The following DMD variants were observed in gnomAD, a reference collection of about 807,000 sequenced individuals.
DMD encodes the protein dystrophin.
In DMD, 63 loss-of-function variants were observed where a neutral mutation model predicts 330.1. The ratio of observed to expected loss-of-function variants is 0.19; its 90% CI spans 0.16 to 0.24. The LOEUF (loss-of-function observed/expected upper bound fraction) is 0.24, where lower values mean the gene tolerates loss of function less well. Among genes scored for constraint, DMD ranks in the 10% least tolerant of loss-of-function variants. DMD has a pLI of 1.00. For missense variants in DMD, 3,344 were observed against 2,684.1 expected (o/e 1.25, Z -5.43); for synonymous variants, 1,223 against 959.8 (o/e 1.27, Z -5.07).
At chrX:31,124,432 G>A (rs1437848238) in intron 78 of DMD, among the ~76,000 whole-genome samples, 2 of 111,633 alleles carry the variant, frequency 1.8e-5, no homozygotes, top group Non-Finnish European at 1.9e-5. Context: ...AAGTAGATTT[G>A]TATCCTAGTT....
At chrX:32,981,470 T>C (rs748066611) in intron 2 of DMD, among the ~76,000 whole-genome samples, 3 of 111,790 alleles carry the variant, frequency 2.7e-5, no homozygotes, top group Non-Finnish European at 5.6e-5. Flanking sequence ...GGTTTAGGTA[T>C]TCTGAAATGT....
In DMD at chrX:32,135,252, T is replaced by C. The variant is rs1052058753; in HGVS notation, c.6438+81664A>G. Reference sequence around the variant, plus strand: ...GGTTACAGCAGTAATAAAAAAACTTTTATGGAAAGTTCTCTGAGACTAAAA... The same window carrying C: ...GGTTACAGCAGTAATAAAAAAACTTCTATGGAAAGTTCTCTGAGACTAAAA... On this transcript the variant is annotated intron_variant, in intron 44 of 78. Coordinates refer to ENST00000357033, the MANE Select transcript of DMD (RefSeq NM_004006.3). 1.1e-4 allele frequency among the ~76,000 whole-genome samples: 12 copies of C among 112,558 alleles called. No homozygotes were observed. In the Admixed American group the frequency reaches 1.1e-3, roughly 11 times the overall value.
chrX:32,768,103 A>G (rs1349864014), intron 7 of DMD, among the ~76,000 whole-genome samples: 1 of 112,215 alleles, frequency 8.9e-6, no homozygotes, highest in Non-Finnish European at 1.9e-5. Context: ...AAGAAACGTC[A>G]GTGGATACCA....
At chrX:31,471,278 C>T (rs774417804) in intron 59 of DMD, among the ~76,000 whole-genome samples, 1 of 111,978 alleles carries the variant, frequency 8.9e-6, no homozygotes, top group South Asian at 3.8e-4. Flanking sequence ...GCCCTGGTGG[C>T]GTAGGCACCC....
At chrX:32,092,979 C>A (rs1443491454) in intron 44 of DMD, among the ~76,000 whole-genome samples, 1 of 110,746 alleles carries the variant, frequency 9.0e-6, no homozygotes, top group Admixed American at 9.7e-5. Flanking sequence ...TTGTTCCTTT[C>A]TAAAAGAATG....
At chrX:32,018,120 T>C (rs1028579957) in intron 44 of DMD, among the ~76,000 whole-genome samples, 2 of 111,665 alleles carry the variant, frequency 1.8e-5, no homozygotes, top group Admixed American at 1.9e-4. Flanking sequence ...TTACTCCAGA[T>C]AAAGACCCTT....
chrX:31,203,920 A>G (rs746072073), intron 67 of DMD, 41 bp downstream of exon 67: 1 of 1,150,659 alleles, frequency 8.7e-7, no homozygotes, highest in South Asian at 1.8e-5. Context: ...TTTCTAAAAT[A>G]TGAAAGAATA....
chrX:32,780,324 T>C (rs972756327), intron 7 of DMD, among the ~76,000 whole-genome samples: 5 of 112,347 alleles, frequency 4.5e-5, no homozygotes, highest in Non-Finnish European at 9.4e-5. Context: ...GTTCATTTTA[T>C]GAGACGTGCT....
intron 44 of DMD, among the ~76,000 whole-genome samples, chrX:32,153,570 A>C (rs1383259340): frequency 2.7e-5 from 3 of 112,144 alleles, no homozygotes; most frequent in Non-Finnish European, 5.6e-5. Flanking sequence ...AAAGAAGAGT[A>C]TGTATTTTAA....
intron 43 of DMD, among the ~76,000 whole-genome samples, chrX:32,266,012 T>C (rs1227210910): frequency 9.0e-6 from 1 of 111,514 alleles, no homozygotes; most frequent in Non-Finnish European, 1.9e-5. Flanking sequence ...GACGTGCCAT[T>C]TGGGAGGGGC....
At chrX:32,403,750 C>G (rs2147827957) in intron 30 of DMD, among the ~76,000 whole-genome samples, 1 of 112,046 alleles carries the variant, frequency 8.9e-6, no homozygotes, top group African/African-American at 3.2e-5. Flanking sequence ...TTACCATCTA[C>G]TGGGCTGTGT....
intron 60 of DMD, among the ~76,000 whole-genome samples, chrX:31,366,591 G>GGCTCTC (rs1165264254): frequency 2.8e-5 from 3 of 105,584 alleles, no homozygotes; most frequent in Admixed American, 1.0e-4. Context: ...AGAGCTGAAA[G>GGCTCTC]GCTCTCAAAA....
intron 44 of DMD, among the ~76,000 whole-genome samples, chrX:32,143,880 C>T (rs920545406): frequency 9.1e-6 from 1 of 110,129 alleles, no homozygotes; most frequent in African/African-American, 3.3e-5. Flanking sequence ...TTACTGTCTA[C>T]TAGATACTGA....
chrX:32,217,187 C>A (rs1034312915), intron 43 of DMD, 124 bp from the exon 44 acceptor site: 1 of 674,077 alleles, frequency 1.5e-6, no homozygotes, highest in African/African-American at 2.2e-5. Context: ...CCTGCATTTG[C>A]AGAGTTTAGT....
chrX:33,115,214 C>G (rs1307229600), intron 1 of DMD, among the ~76,000 whole-genome samples: 2 of 111,996 alleles, frequency 1.8e-5, no homozygotes, highest in Non-Finnish European at 3.8e-5. Context: ...AATACAAACT[C>G]TATAGTGATA....
At chrX:32,624,131 T>C (rs1198456908) in intron 11 of DMD, among the ~76,000 whole-genome samples, 1 of 112,236 alleles carries the variant, frequency 8.9e-6, no homozygotes, top group Non-Finnish European at 1.9e-5. Flanking sequence ...AAAATAAAAA[T>C]CTACCATGCA....
intron 15 of DMD, among the ~76,000 whole-genome samples, chrX:32,568,983 T>A (rs1355172816): frequency 2.7e-5 from 3 of 112,229 alleles, no homozygotes; most frequent in Non-Finnish European, 5.6e-5. Flanking sequence ...GGTCTATGAG[T>A]GCCAGAGACC....
At chrX:32,721,568 G>A (rs1398212339) in intron 7 of DMD, among the ~76,000 whole-genome samples, 2 of 110,312 alleles carry the variant, frequency 1.8e-5, no homozygotes, top group Non-Finnish European at 3.8e-5. Flanking sequence ...TGTCACTATG[G>A]AATTGTGCAA....
At chrX:32,467,088 G>T (rs1053586211) in intron 23 of DMD, among the ~76,000 whole-genome samples, 5 of 111,931 alleles carry the variant, frequency 4.5e-5, no homozygotes, top group Admixed American at 9.5e-5. Flanking sequence ...ATTTACATAG[G>T]TATGCATGTA....
Sources: allele counts gnomAD v4.1 joint callset (sites outside exome capture counted in the v4.1 genomes callset), GRCh38; gene constraint gnomAD v4.1.1; transcripts MANE v1.5; gene names NCBI Gene and HGNC (gene_info 2026-07-23, HGNC 2026-07-21).